AAGAB: variants seen among roughly 807,000 people sequenced by gnomAD.
AAGAB encodes alpha and gamma adaptin binding protein.
A neutral mutation model predicts 44.1 loss-of-function variants in AAGAB; 38 were observed. That is an observed-to-expected ratio of 0.86 (90% CI 0.67 to 1.13). The LOEUF is 1.13. AAGAB is among the 50% of genes most tolerant of loss of function. AAGAB has a pLI of 0.00. For missense variants in AAGAB, 450 were observed against 373.8 expected (o/e 1.20, Z -1.68); for synonymous variants, 131 against 131.8 (o/e 0.99, Z 0.04).
rs796412643 is a variant in AAGAB, at chr15:67,222,282, A to ACACC, written c.535+9531_535+9532insGGTG. Reference sequence around the variant, plus strand: ...CACACACACACACACACACACACACACCCTCCACCCATGCTGCCTGACTTT... The same window carrying ACACC: ...CACACACACACACACACACACACACACACCCCCTCCACCCATGCTGCCTGACTTT... On this transcript the variant is annotated intron_variant, in intron 5 of 9. Transcript: ENST00000261880. Among the ~76,000 whole-genome samples the ACACC allele has an allele frequency of 6.0e-3, 839 of 139,836 alleles. 4 individuals are homozygous for ACACC. The highest frequency in any genetic ancestry group is 1.0e-2 in the African/African-American group (382 of 38,282). 91.7% of individuals were successfully genotyped at this position (139,836 alleles called of 152,430 possible).
At chr15:67,247,730 C>A (rs376919929) in intron 1 of AAGAB, among the ~76,000 whole-genome samples, 70 of 152,318 alleles carry the variant, frequency 4.6e-4, no homozygotes, top group Middle Eastern at 3.4e-3. Flanking sequence ...CTCTACTCTA[C>A]AAGTAAGGAA....
At chr15:67,225,569 A>G (rs1964184711) in intron 5 of AAGAB, among the ~76,000 whole-genome samples, 1 of 152,112 alleles carries the variant, frequency 6.6e-6, no homozygotes, top group South Asian at 2.1e-4. Context: ...CTCCTCCCAT[A>G]CCCTGGGAAC....
rs1347381419 is a variant in AAGAB at position 67,201,734 on chromosome 15, T to C, written c.*1087A>G. Reference sequence around the variant, plus strand: ...CCACTCTTCCTTTAAAAACTTGCCATTTGCTTATCAGTTCCTCTGGGGCTG... The same window carrying C: ...CCACTCTTCCTTTAAAAACTTGCCACTTGCTTATCAGTTCCTCTGGGGCTG... On this transcript the variant is annotated 3_prime_UTR_variant, in exon 10 of 10. Transcript: ENST00000261880. 6.6e-6 allele frequency: 1 copy of C among 152,314 alleles called. No individual in the cohort carries two copies. The highest frequency in any genetic ancestry group is 1.5e-5 in the Non-Finnish European group (1 of 68,048). The allele number at this position is 152,314 out of a possible 1,614,324, so 9.4% of individuals were successfully genotyped here. A position where few individuals can be genotyped will look rare whatever the true frequency, so the allele number is the denominator to read the frequency against.
Position 67,236,781 on chromosome 15 carries a change from G to C in AAGAB, c.113C>G (p.Ser38Cys). ...GGGATAAAATCTCACAGCATCATTG[G>C]AAGTCACTTCCACAATAAGATCTTC... ...GTEDLIVEVT[S>C]NDAVRFYPWT... Residue 38 changes from serine (S) to cysteine (C), a missense_variant, in exon 2 of 10, where the codon TCC (serine) becomes TGC (cysteine). By Grantham distance (112) the Ser-to-Cys change is moderately radical (BLOSUM62 -1). Transcript: ENST00000261880. 2 of 1,611,638 alleles carry C rather than the reference G, an allele frequency of 1.2e-6. No individual in the cohort carries two copies. The highest frequency in any genetic ancestry group is 1.7e-6 in the Non-Finnish European group (2 of 1,179,138).
At chr15:67,233,905 A>G (rs1253345224) in intron 4 of AAGAB, among the ~76,000 whole-genome samples, 1 of 152,154 alleles carries the variant, frequency 6.6e-6, no homozygotes, top group Non-Finnish European at 1.5e-5. Flanking sequence ...TGAATCATTT[A>G]AAGAATACCA....
intron 1 of AAGAB, among the ~76,000 whole-genome samples, chr15:67,247,876 TAA>T (rs1157234730): frequency 6.6e-6 from 1 of 152,202 alleles, no homozygotes; most frequent in Non-Finnish European, 1.5e-5. Flanking sequence ...ATTTTAATAG[TAA>T]AATCACCTAC....
At chr15:67,216,324 C>T (rs1325870549) in intron 5 of AAGAB, among the ~76,000 whole-genome samples, 1 of 151,122 alleles carries the variant, frequency 6.6e-6, no homozygotes, top group Non-Finnish European at 1.5e-5. Flanking sequence ...TGCCTGTAGT[C>T]CCAGCTACTG....
At chr15:67,206,697 T>C (rs1353463204) in intron 7 of AAGAB, among the ~76,000 whole-genome samples, 4 of 152,198 alleles carry the variant, frequency 2.6e-5, no homozygotes, top group Admixed American at 1.3e-4. Context: ...TGTTCCAGAT[T>C]TAGCCACTGG....
chr15:67,249,855 C>T (rs1022519744), intron 1 of AAGAB, among the ~76,000 whole-genome samples: 27 of 152,218 alleles, frequency 1.8e-4, no homozygotes, highest in East Asian at 3.8e-4. Flanking sequence ...AAAATGGACA[C>T]AACCTACCTT....
chr15:67,228,656 C>G lies in AAGAB; in HGVS notation c.535+3158G>C, dbSNP rs1026106874. Among the ~76,000 whole-genome samples, 4 of 152,014 alleles carry G rather than the reference C, an allele frequency of 2.6e-5. No individual in the cohort carries two copies. The East Asian group carries it at 5.8e-4, about 22-fold the overall frequency. On this transcript the variant is annotated intron_variant, in intron 5 of 9. Transcript: ENST00000261880. Reference sequence around the variant, plus strand: ...CCCAAAGGAATGTAAATCATTCCACCAAAAAGACACATGAATGTGTATGTT... The same window carrying G: ...CCCAAAGGAATGTAAATCATTCCACGAAAAAGACACATGAATGTGTATGTT...
Position 67,228,746 on chromosome 15 carries a change from T to C in AAGAB, c.535+3068A>G, listed in dbSNP as rs545666715. Reference sequence around the variant, plus strand: ...ACCTACATGCCCATCAACAGTGGACTGGATTAAAAAAATGTGGTACACATA... The same window carrying C: ...ACCTACATGCCCATCAACAGTGGACCGGATTAAAAAAATGTGGTACACATA... On this transcript the variant is annotated intron_variant, in intron 5 of 9. Transcript: ENST00000261880. Among the ~76,000 whole-genome samples the C allele has an allele frequency of 2.2e-4, 34 of 152,258 alleles. No homozygotes were observed. The East Asian group carries it at 3.7e-3, about 16-fold the overall frequency.
chr15:67,222,791 A>G (rs1964113998), intron 5 of AAGAB, among the ~76,000 whole-genome samples: 1 of 152,144 alleles, frequency 6.6e-6, no homozygotes, highest in African/African-American at 2.4e-5. Context: ...ATCTCAAACA[A>G]TAAAAATCTC....
chr15:67,237,921 A>C (rs1193895035), intron 1 of AAGAB, among the ~76,000 whole-genome samples: 1 of 152,222 alleles, frequency 6.6e-6, no homozygotes, highest in African/African-American at 2.4e-5. Context: ...ATATATTTGA[A>C]AAGTTGCCAT....
rs189354389 is a variant in AAGAB, at chr15:67,226,459, G to A, written c.535+5355C>T. ...CTATTCATGTTCTTACTGGCCATTT[G>A]TGTATTTTCTTGCCTATCCAAATTC... is the stretch of plus-strand genomic sequence containing the variant. On this transcript the variant is annotated intron_variant, in intron 5 of 9. Coordinates refer to ENST00000261880, the MANE Select transcript of AAGAB (RefSeq NM_024666.5). Among the ~76,000 whole-genome samples the A allele has an allele frequency of 6.3e-4, 96 of 152,204 alleles. 1 individual carries two copies. The highest frequency in any genetic ancestry group is 4.3e-3 in the Admixed American group (66 of 15,286).
chr15:67,214,768 G>A (rs1471201052), intron 5 of AAGAB, among the ~76,000 whole-genome samples: 2 of 152,042 alleles, frequency 1.3e-5, no homozygotes, highest in Admixed American at 6.5e-5. Flanking sequence ...AGCCTCCTGA[G>A]TAGCTGGGAC....
chr15:67,216,073 A>C (rs898633893), intron 5 of AAGAB, among the ~76,000 whole-genome samples: 1 of 152,170 alleles, frequency 6.6e-6, no homozygotes, highest in African/African-American at 2.4e-5. Flanking sequence ...GAAAATAATA[A>C]TACTATTTTT....
At chr15:67,238,728 C>T (rs1332430669) in intron 1 of AAGAB, among the ~76,000 whole-genome samples, 2 of 150,718 alleles carry the variant, frequency 1.3e-5, no homozygotes, top group East Asian at 3.9e-4. Flanking sequence ...CGGAGTCTCG[C>T]TCTGTTGCGC....
At chr15:67,244,973 A>G (rs997995695) in intron 1 of AAGAB, among the ~76,000 whole-genome samples, 4 of 152,214 alleles carry the variant, frequency 2.6e-5, no homozygotes, top group African/African-American at 9.6e-5. Flanking sequence ...CACATCCACT[A>G]GAATGGCTAT....
intron 5 of AAGAB, among the ~76,000 whole-genome samples, chr15:67,214,740 A>T (rs890390329): frequency 1.3e-5 from 2 of 151,946 alleles, no homozygotes. Flanking sequence ...TCCCGGGTTC[A>T]GGCCGTTCTC....
Sources: allele counts gnomAD v4.1 joint callset (sites outside exome capture counted in the v4.1 genomes callset), GRCh38; gene constraint gnomAD v4.1.1; transcripts MANE v1.5; gene names NCBI Gene and HGNC (gene_info 2026-07-23, HGNC 2026-07-21).